Variants in MAP3K10 observed in about 807,000 individuals in gnomAD.
MAP3K10 encodes mitogen-activated protein kinase kinase kinase 10, also known as MKN28 derived nonreceptor_type serine/threonine kinase.
MAP3K10 carries 22 observed loss-of-function variants against 75.0 expected under a neutral mutation model. That is an observed-to-expected ratio of 0.29 (90% CI 0.21 to 0.42). The LOEUF is 0.42. Ranked by LOEUF, MAP3K10 falls within the 10% of genes least tolerant of loss-of-function variation. MAP3K10 has a pLI of 1.00. For synonymous variants in MAP3K10, 599 were observed against 612.9 expected (o/e 0.98, Z 0.34); for missense variants, 1,165 against 1,379.8 (o/e 0.84, Z 2.47).
chr19:40,204,788 G>A lies in MAP3K10; in HGVS notation c.1012+155G>A. 1.1e-6 allele frequency: 1 copy of A among 933,518 alleles called. No individual in the cohort carries two copies. Among genetic ancestry groups the A allele is most frequent in the Middle Eastern group, 3.4e-4 (1 of 2,938 alleles). The allele number at this position is 933,518 out of a possible 1,614,324, so 57.8% of individuals were successfully genotyped here. Reference sequence around the variant, plus strand: ...CTGGACTCTAAACAGCCTCCCCATGGTTGGCTCCATCCCCCACATCCCAGC... The same window carrying A: ...CTGGACTCTAAACAGCCTCCCCATGATTGGCTCCATCCCCCACATCCCAGC... On this transcript the variant is annotated intron_variant, in intron 3 of 9. Transcript: ENST00000253055. This position sits in a 1 kb window ranked among gnomAD's most constrained non-coding sequence, Gnocchi z 4.3.
chr19:40,215,406 A>G lies in MAP3K10; in HGVS notation c.*114A>G. The G allele has an allele frequency of 2.2e-6, 2 of 894,930 alleles. No individual in the cohort carries two copies. The highest frequency in any genetic ancestry group is 2.8e-5 in the Admixed American group (1 of 35,222). 55.4% of individuals were successfully genotyped at this position (894,930 alleles called of 1,614,324 possible). A position where few individuals can be genotyped will look rare whatever the true frequency, so the allele number is the denominator to read the frequency against. On this transcript the variant is annotated 3_prime_UTR_variant, in exon 10 of 10. Coordinates refer to ENST00000253055, the MANE Select transcript of MAP3K10 (RefSeq NM_002446.4). ...CCTGGGCAGGATGTTCACTCTATTT[A>G]TTGGGGAAGGAGGGAGGGGGGGGAC...
In MAP3K10 at chr19:40,204,454, G is replaced by A. The variant is rs552640602; in HGVS notation, c.864-31G>A. 145 of 1,601,128 alleles carry A rather than the reference G, an allele frequency of 9.1e-5. No individual in the cohort carries two copies. The South Asian group carries it at 9.2e-4, about 10-fold the overall frequency. On this transcript the variant is annotated intron_variant, in intron 2 of 9. Transcript: ENST00000253055. The surrounding 1 kb of genome is among the most constrained non-coding windows in gnomAD (Gnocchi z 4.3). ...ATAGGTGAGGATTGGGGTGGGCTGC[G>A]ACATCACCCCTCCCTCTCCCCTGCC...
chr19:40,191,970 C>T lies in MAP3K10; in HGVS notation c.-62C>T. On this transcript the variant is annotated 5_prime_UTR_variant, in exon 1 of 10. Coordinates refer to ENST00000253055, the MANE Select transcript of MAP3K10 (RefSeq NM_002446.4). Reference sequence around the variant, plus strand: ...CCTCCATCCCGGCCGCCGGGGCCCGCCCTCTGCATCCCGCGGGCAGCCTGT... The same window carrying T: ...CCTCCATCCCGGCCGCCGGGGCCCGTCCTCTGCATCCCGCGGGCAGCCTGT... 11 of 1,201,580 alleles carry T rather than the reference C, an allele frequency of 9.2e-6. No homozygotes were observed. Among genetic ancestry groups the T allele is most frequent in the Non-Finnish European group, 1.1e-5 (10 of 903,926 alleles). 74.4% of individuals were successfully genotyped at this position (1,201,580 alleles called of 1,614,324 possible). A position where few individuals can be genotyped will look rare whatever the true frequency, so the allele number is the denominator to read the frequency against.
At chr19:40,199,383 G>A (rs1972975128) in intron 2 of MAP3K10, among the ~76,000 whole-genome samples, 1 of 152,136 alleles carries the variant, frequency 6.6e-6, no homozygotes. Context: ...GTGCGAGGAG[G>A]CTGAGAGGAA....
rs542559957 is a variant in MAP3K10 at position 40,211,283 on chromosome 19, C to G, written c.1553-1522C>G. On this transcript the variant is annotated intron_variant, in intron 6 of 9. Coordinates refer to ENST00000253055, the MANE Select transcript of MAP3K10 (RefSeq NM_002446.4). ...TCTCAGGGGTCAGATCAGGCAGGGC[C>G]CTGAGAGCAGGATAAGAGTCTGGAT... 2.0e-5 allele frequency among the ~76,000 whole-genome samples: 3 copies of G among 149,292 alleles called. No homozygotes were observed. In the South Asian group the frequency reaches 6.3e-4, roughly 31 times the overall value.
At chr19:40,195,471 CTTTTTTTTTTTTTTTTTTTTT>C (rs61289931) in intron 1 of MAP3K10, among the ~76,000 whole-genome samples, 11 of 48,656 alleles carry the variant, frequency 2.3e-4, no homozygotes, top group South Asian at 2.3e-3. Context: ...CCCGCCCGGC[CTTTTTTTTTTTTTTTTTTTTT>C]TTTTTTTTTT....
chr19:40,199,772 A>G (rs1200152145), intron 2 of MAP3K10, among the ~76,000 whole-genome samples: 2 of 152,234 alleles, frequency 1.3e-5, no homozygotes, highest in Non-Finnish European at 2.9e-5. Context: ...ACTTGAGGCC[A>G]GGAATTTGAG....
At position 40,204,489 on chromosome 19, in the gene MAP3K10, G is replaced by A. The variant is rs1568490122; in HGVS notation, c.868G>A (p.Gly290Arg). Residue 290 changes from glycine to arginine, a missense_variant, in exon 3 of 10, where the codon GGG becomes AGG. Coordinates refer to ENST00000253055, the MANE Select transcript of MAP3K10 (RefSeq NM_002446.4). This position sits in a 1 kb window ranked among gnomAD's most constrained non-coding sequence, Gnocchi z 4.3. ...FSKSSDVWSFGVLLWELLTGE... is the reference protein window; with the variant it reads ...FSKSSDVWSFRVLLWELLTGE... The stretch of plus-strand genomic sequence containing the variant: ...CTCCCTCTCCCCTGCCTGCAGCTTC[G>A]GGGTGCTGCTGTGGGAGCTGCTGAC... 6.2e-7 allele frequency: 1 copy of A among 1,612,902 alleles called. No individual in the cohort carries two copies. Among genetic ancestry groups the A allele is most frequent in the Non-Finnish European group, 8.5e-7 (1 of 1,179,714 alleles).
chr19:40,204,713 C>G lies in MAP3K10; in HGVS notation c.1012+80C>G. 1 of 1,492,608 alleles carries G rather than the reference C, an allele frequency of 6.7e-7. No homozygotes were observed. 92.5% of individuals were successfully genotyped at this position (1,492,608 alleles called of 1,614,324 possible). ...TGGGCCCAGACCTTTCCCCTTCACA[C>G]CTATCCATACCAGTGGGCCCAGGAG... On this transcript the variant is annotated intron_variant, in intron 3 of 9. Coordinates refer to ENST00000253055, the MANE Select transcript of MAP3K10 (RefSeq NM_002446.4). This position sits in a 1 kb window ranked among gnomAD's most constrained non-coding sequence, Gnocchi z 4.3.
Position 40,203,334 on chromosome 19 carries a change from C to CA in MAP3K10, c.864-1139dup, listed in dbSNP as rs71981575. On this transcript the variant is annotated intron_variant, in intron 2 of 9. Coordinates refer to ENST00000253055, the MANE Select transcript of MAP3K10 (RefSeq NM_002446.4). ...AGCCTGGGTGACAGAGACTTTGTCT[C>CA]AAAAAAAAAAAAGGATATGTTGAAT... 3.1e-3 allele frequency among the ~76,000 whole-genome samples: 423 copies of CA among 137,390 alleles called. 2 individuals carry two copies. Among genetic ancestry groups the CA allele is most frequent in the East Asian group, 0.013 (65 of 4,842 alleles). The allele number at this position is 137,390 out of a possible 152,430, so 90.1% of individuals were successfully genotyped here. A position where few individuals can be genotyped will look rare whatever the true frequency, so the allele number is the denominator to read the frequency against.
chr19:40,206,956 G>T (rs1973133526), intron 5 of MAP3K10, among the ~76,000 whole-genome samples: 3 of 152,052 alleles, frequency 2.0e-5, no homozygotes, highest in Admixed American at 6.6e-5. Context: ...AATTAGCTGG[G>T]TGTGGTGGTG....
intron 2 of MAP3K10, among the ~76,000 whole-genome samples, chr19:40,199,106 A>G (rs533799794): frequency 4.9e-4 from 74 of 152,208 alleles, no homozygotes; most frequent in African/African-American, 1.7e-3. Context: ...GAGACAGCAC[A>G]TGGATGCTAG....
rs61289931 is a variant in MAP3K10 at position 40,195,471 on chromosome 19, C to CTTTTTTTTTTT, written c.682+2785_682+2795dup. On this transcript the variant is annotated intron_variant, in intron 1 of 9. Transcript: ENST00000253055. ...GAGGTAACACTGAAGCCCGCCCGGCCTTTTTTTTTTTTTTTTTTTTTTTTT... is the reference window on the plus strand; with the variant it reads ...GAGGTAACACTGAAGCCCGCCCGGCCTTTTTTTTTTTTTTTTTTTTTTTTTTTTTTTTTTTT... Among the ~76,000 whole-genome samples the CTTTTTTTTTTT allele has an allele frequency of 1.0e-3, 50 of 48,658 alleles. 7 individuals carry two copies. Among genetic ancestry groups the CTTTTTTTTTTT allele is most frequent in the African/African-American group, 1.9e-3 (32 of 17,216 alleles). The allele number at this position is 48,658 out of a possible 152,430, so 31.9% of individuals were successfully genotyped here.
At chr19:40,201,357 TA>T (rs1460369645) in intron 2 of MAP3K10, among the ~76,000 whole-genome samples, 7 of 151,216 alleles carry the variant, frequency 4.6e-5, no homozygotes, top group Non-Finnish European at 8.8e-5. Flanking sequence ...ATTATTTATT[TA>T]TTTTTTTTAA....
Position 40,204,605 on chromosome 19 carries a change from C to T in MAP3K10, c.984C>T (p.Cys328=). 1 of 1,612,322 alleles carries T rather than the reference C, an allele frequency of 6.2e-7. No individual in the cohort carries two copies. The highest frequency in any genetic ancestry group is 8.5e-7 in the Non-Finnish European group (1 of 1,179,182). The change falls in exon 3 of 10, where the codon TGC becomes TGT. Residue 328 remains cysteine, a synonymous_variant. Coordinates refer to ENST00000253055, the MANE Select transcript of MAP3K10 (RefSeq NM_002446.4). The surrounding 1 kb of genome is among the most constrained non-coding windows in gnomAD (Gnocchi z 4.3). ...NKLTLPIPST[C]PEPFARLLEE... is the part of the protein sequence containing the mutation. The stretch of plus-strand genomic sequence containing the variant: ...TGACGCTGCCCATTCCCTCCACGTG[C>T]CCCGAGCCCTTTGCCCGCCTCCTGG...
Position 40,214,002 on chromosome 19 carries a change from T to TGCCCCCCCCCCCACCCCCCCCCCCCC in MAP3K10, c.2323_2324insGCCCCCCCCCCCACCCCCCCCCCCCC (p.Ser775CysfsTer56). ...TGACGAGGCCGCACCGGCCGCGCCC[T>TGCCCCCCCCCCCACCCCCCCCCCCCC]CCCCACCACCCTCCCCGCCCGCGCC... On this transcript the variant is annotated frameshift_variant, in exon 9 of 10. Coordinates refer to ENST00000253055, the MANE Select transcript of MAP3K10 (RefSeq NM_002446.4). LOFTEE classifies it high-confidence loss of function. 1 of 1,493,668 alleles carries TGCCCCCCCCCCCACCCCCCCCCCCCC rather than the reference T, an allele frequency of 6.7e-7. No individual in the cohort carries two copies. The highest frequency in any genetic ancestry group is 8.9e-7 in the Non-Finnish European group (1 of 1,123,852). 92.5% of individuals were successfully genotyped at this position (1,493,668 alleles called of 1,614,324 possible).
At position 40,192,548 on chromosome 19, in the gene MAP3K10, G is replaced by A; in HGVS notation, c.517G>A (p.Val173Met). The A allele has an allele frequency of 6.2e-7, 1 of 1,613,622 alleles. No individual in the cohort carries two copies. Among genetic ancestry groups the A allele is most frequent in the Non-Finnish European group, 8.5e-7 (1 of 1,179,946 alleles). Residue 173 changes from valine (V) to methionine (M), a missense_variant, in exon 1 of 10, where the codon GTG (valine) becomes ATG (methionine). Physicochemically the swap from Val to Met is conservative, Grantham distance 21 (BLOSUM62 1). Around this residue, in one of 2 missense-constraint regions of MAP3K10, gnomAD observed 575 missense variants for 793.2 expected, o/e 0.72. Coordinates refer to ENST00000253055, the MANE Select transcript of MAP3K10 (RefSeq NM_002446.4). This position sits in a 1 kb window ranked among gnomAD's most constrained non-coding sequence, Gnocchi z 7.1. ...CCTCAACCCCCCACACCTCTGCCTAGTGATGGAGTATGCCCGGGGTGGTGC... is the reference window on the plus strand; with the variant it reads ...CCTCAACCCCCCACACCTCTGCCTAATGATGGAGTATGCCCGGGGTGGTGC... ...ACLNPPHLCL[V>M]MEYARGGALS...
Position 40,215,441 on chromosome 19 carries a change from A to C in MAP3K10, c.*149A>C. The C allele has an allele frequency of 1.4e-6, 1 of 737,978 alleles. No individual in the cohort carries two copies. Among genetic ancestry groups the C allele is most frequent in the Non-Finnish European group, 2.2e-6 (1 of 464,086 alleles). The allele number at this position is 737,978 out of a possible 1,614,324, so 45.7% of individuals were successfully genotyped here. On this transcript the variant is annotated 3_prime_UTR_variant, in exon 10 of 10. Transcript: ENST00000253055. ...GAGGGAGGGGGGGGACACTTAACTT[A>C]TTCCTTTGTACCCCAGGGGGTGGAG...
rs1008571725 is a variant in MAP3K10 at position 40,214,078 on chromosome 19, A to G, written c.2399A>G (p.Glu800Gly). ...AACCCCCTGGTGGACCTGGAGCTGG[A>G]GAGCTTCAAGAAGGACCCCCGCCAG... The part of the protein sequence containing the change: ...STNPLVDLEL[E>G]SFKKDPRQSL... Residue 800 changes from glutamate (E) to glycine (G), a missense_variant, in exon 9 of 10, where the codon GAG becomes GGG. Around this residue, in one of 2 missense-constraint regions of MAP3K10, gnomAD observed 590 missense variants for 586.6 expected, o/e 1.01. Transcript: ENST00000253055. 6.7e-6 allele frequency: 9 copies of G among 1,343,562 alleles called. No individual in the cohort carries two copies. The highest frequency in any genetic ancestry group is 8.8e-6 in the Non-Finnish European group (9 of 1,027,188). 83.2% of individuals were successfully genotyped at this position (1,343,562 alleles called of 1,614,324 possible).
Sources: gnomAD v4.1 joint callset for allele counts (sites outside exome capture counted in the v4.1 genomes callset) on GRCh38, gnomAD v4.1.1 for gene constraint, gnomAD v4.1.1 regional missense constraint, Gnocchi (gnomAD v3.1) non-coding constraint, MANE v1.5 for transcripts, NCBI Gene and HGNC (gene_info 2026-07-23, HGNC 2026-07-21) for gene names.